The following CDH18 variants were observed in gnomAD, a reference collection of about 807,000 sequenced individuals.
CDH18 encodes cadherin-18.
Under a neutral mutation model 67.9 loss-of-function variants are expected in CDH18, and 31 were observed. The ratio of observed to expected loss-of-function variants is 0.46; its 90% CI spans 0.34 to 0.62. The LOEUF is 0.62. CDH18 is among the 20% of genes least tolerant of loss of function. CDH18 has a pLI of 0.01. For synonymous variants in CDH18, 362 were observed against 347.2 expected (o/e 1.04, Z -0.48); for missense variants, 890 against 975.5 (o/e 0.91, Z 1.17).
chr5:20,364,436 G>C (rs1278144154), intron 1 of CDH18, among the ~76,000 whole-genome samples: 1 of 152,154 alleles, frequency 6.6e-6, no homozygotes, highest in African/African-American at 2.4e-5. Context: ...AAGAACCACT[G>C]AGCACCTTCC....
rs570138123 is a variant in CDH18, at chr5:19,617,454, A to G, written c.644-4853T>C. Among the ~76,000 whole-genome samples, 9 of 152,356 alleles carry G rather than the reference A, an allele frequency of 5.9e-5. No individual in the cohort carries two copies. In the South Asian group the frequency reaches 1.4e-3, roughly 25 times the overall value. ...GGAACACTGTGTAGCCTTTCCATTT[A>G]GTACATTTTTAAAGCCAAAAATACA... On this transcript the variant is annotated intron_variant, in intron 5 of 12. Transcript: ENST00000382275.
At chr5:20,536,654 T>A (rs1259738475) in intron 1 of CDH18, among the ~76,000 whole-genome samples, 1 of 152,182 alleles carries the variant, frequency 6.6e-6, no homozygotes, top group East Asian at 1.9e-4. Flanking sequence ...CAAATTATTA[T>A]AATAGGCAAC....
chr5:20,191,117 T>C (rs1738501661), intron 2 of CDH18, among the ~76,000 whole-genome samples: 1 of 152,128 alleles, frequency 6.6e-6, no homozygotes, highest in Non-Finnish European at 1.5e-5. Context: ...AATTTAAGGA[T>C]TTTTAATGAT....
intron 9 of CDH18, among the ~76,000 whole-genome samples, chr5:19,531,041 C>T (rs1284125632): frequency 6.6e-6 from 1 of 152,180 alleles, no homozygotes; most frequent in East Asian, 1.9e-4. Context: ...CTGTCTTCTG[C>T]ATCGCTCACG....
chr5:19,491,233 A>C (rs1260450218), intron 11 of CDH18, among the ~76,000 whole-genome samples: 1 of 152,230 alleles, frequency 6.6e-6, no homozygotes, highest in African/African-American at 2.4e-5. Flanking sequence ...AGCAGGACAC[A>C]GTTACAGCCA....
chr5:20,369,692 C>T (rs1742823126), intron 1 of CDH18, among the ~76,000 whole-genome samples: 1 of 152,198 alleles, frequency 6.6e-6, no homozygotes, highest in South Asian at 2.1e-4. Flanking sequence ...AGCCAACATT[C>T]TCTGCCTTGC....
intron 2 of CDH18, among the ~76,000 whole-genome samples, chr5:19,859,414 T>C (rs1166010113): frequency 6.6e-6 from 1 of 152,136 alleles, no homozygotes; most frequent in East Asian, 1.9e-4. Context: ...TATATTTCTA[T>C]GACATATTCT....
intron 2 of CDH18, among the ~76,000 whole-genome samples, chr5:20,212,444 C>G (rs1266124041): frequency 1.3e-5 from 2 of 152,048 alleles, no homozygotes; most frequent in Non-Finnish European, 2.9e-5. Context: ...CAAAGATACT[C>G]CTCGAGAAGA....
intron 10 of CDH18, among the ~76,000 whole-genome samples, chr5:19,508,324 A>C (rs978814019): frequency 2.0e-5 from 3 of 152,054 alleles, no homozygotes; most frequent in Admixed American, 2.0e-4. Context: ...TTCCATCATC[A>C]AATTTTCTAT....
intron 3 of CDH18, among the ~76,000 whole-genome samples, chr5:19,818,271 C>T (rs1032121792): frequency 1.3e-5 from 2 of 152,088 alleles, no homozygotes; most frequent in Admixed American, 6.6e-5. Context: ...AGCTTAGCTC[C>T]TCACTCAGTA....
intron 10 of CDH18, among the ~76,000 whole-genome samples, chr5:19,511,462 A>G (rs991475764): frequency 2.0e-5 from 3 of 152,140 alleles, no homozygotes; most frequent in Non-Finnish European, 4.4e-5. Context: ...AGACGTGGGA[A>G]GGTTTGGAAC....
intron 10 of CDH18, among the ~76,000 whole-genome samples, chr5:19,507,539 A>G (rs1474572700): frequency 6.6e-6 from 1 of 152,308 alleles, no homozygotes; most frequent in Non-Finnish European, 1.5e-5. Flanking sequence ...GATTAAGAAA[A>G]TGTGGCATGT....
chr5:20,168,142 C>T (rs1258196073), intron 2 of CDH18, among the ~76,000 whole-genome samples: 3 of 152,082 alleles, frequency 2.0e-5, no homozygotes, highest in African/African-American at 7.2e-5. Flanking sequence ...CGTAATTTTG[C>T]TTCACCAAGC....
chr5:19,533,837 T>C (rs1225094775), intron 9 of CDH18, among the ~76,000 whole-genome samples: 1 of 152,150 alleles, frequency 6.6e-6, no homozygotes, highest in African/African-American at 2.4e-5. Flanking sequence ...GCTCTTATTT[T>C]ATAAGTTTTT....
Position 20,237,608 on chromosome 5 carries a change from T to C in CDH18, c.-518+17836A>G, listed in dbSNP as rs1439222649. ...ATTTAAGGATAAATCTGATAAAATATATAAAATATCTGTACTATAAAAACT... is the reference window on the plus strand; with the variant it reads ...ATTTAAGGATAAATCTGATAAAATACATAAAATATCTGTACTATAAAAACT... On this transcript the variant is annotated intron_variant, in intron 2 of 14. Transcript: ENST00000507958. 3.3e-5 allele frequency among the ~76,000 whole-genome samples: 5 copies of C among 151,860 alleles called. No individual in the cohort carries two copies. In the East Asian group the frequency reaches 9.6e-4, roughly 29 times the overall value.
At chr5:19,998,097 A>G (rs1417204192) in intron 2 of CDH18, among the ~76,000 whole-genome samples, 1 of 152,202 alleles carries the variant, frequency 6.6e-6, no homozygotes, top group African/African-American at 2.4e-5. Context: ...GGTGATTTAA[A>G]CCAGGATAAT....
intron 1 of CDH18, among the ~76,000 whole-genome samples, chr5:20,427,061 T>C (rs1007181146): frequency 1.7e-4 from 25 of 151,232 alleles, no homozygotes; most frequent in African/African-American, 5.7e-4. Context: ...GATTAAAGTA[T>C]AGCAATCACA....
At chr5:19,885,401 G>A (rs533165843) in intron 2 of CDH18, among the ~76,000 whole-genome samples, 1 of 152,260 alleles carries the variant, frequency 6.6e-6, no homozygotes, top group East Asian at 1.9e-4. Context: ...TCTAAAAAGG[G>A]ACAGTAAATC....
intron 1 of CDH18, among the ~76,000 whole-genome samples, chr5:20,275,833 G>C (rs181924670): frequency 1.2e-4 from 19 of 152,256 alleles, no homozygotes; most frequent in African/African-American, 4.3e-4. Context: ...CTATCTTCTG[G>C]CAGTGGCTGC....
Sources: allele counts gnomAD v4.1 joint callset (sites outside exome capture counted in the v4.1 genomes callset), GRCh38; gene constraint gnomAD v4.1.1; transcripts MANE v1.5; gene names NCBI Gene and HGNC (gene_info 2026-07-23, HGNC 2026-07-21).